TMEFF2: variants seen among roughly 807,000 people sequenced by gnomAD.
The protein encoded by TMEFF2 is tomoregulin-2.
Under a neutral mutation model 53.8 loss-of-function variants are expected in TMEFF2, and 28 were observed. That is an observed-to-expected ratio of 0.52 (90% CI 0.39 to 0.71). The LOEUF (loss-of-function observed/expected upper bound fraction) is 0.71, where lower values mean the gene tolerates loss of function less well. TMEFF2 is among the 30% of genes least tolerant of loss of function. The pLI is 0.00. For missense variants in TMEFF2, 353 were observed against 455.2 expected, an observed-to-expected ratio of 0.78 and a Z score of 2.04; for synonymous variants, 162 against 166.3, an observed-to-expected ratio of 0.97 and a Z score of 0.20.
At chr2:192,053,235 T>C (rs1264444150) in intron 5 of TMEFF2, among the ~76,000 whole-genome samples, 1 of 152,172 alleles carries the variant, frequency 6.6e-6, no homozygotes, top group Non-Finnish European at 1.5e-5. Flanking sequence ...CTCCTTCTCT[T>C]TCCCCTATTT....
rs1255621791 is a variant in TMEFF2 at position 192,075,320 on chromosome 2, T to TAAATATAA, written c.440-17546_440-17545insTTATATTT. On this transcript the variant is annotated intron_variant, in intron 4 of 9. Coordinates refer to ENST00000272771, the MANE Select transcript of TMEFF2 (RefSeq NM_016192.4). ...ATATATATATATATATATATATATA[T>TAAATATAA]ATATATATATATACATACATACTAT... is the stretch of plus-strand genomic sequence containing the variant. Among the ~76,000 whole-genome samples the TAAATATAA allele has an allele frequency of 5.1e-4, 45 of 87,882 alleles. 1 individual carries two copies. Among genetic ancestry groups the TAAATATAA allele is most frequent in the Non-Finnish European group, 5.7e-4 (22 of 38,774 alleles). The allele number at this position is 87,882 out of a possible 152,430, so 57.7% of individuals were successfully genotyped here. A position where few individuals can be genotyped will look rare whatever the true frequency, so the allele number is the denominator to read the frequency against.
At chr2:192,046,369 AAAAAAAG>A (rs962859290) in intron 5 of TMEFF2, among the ~76,000 whole-genome samples, 29 of 152,274 alleles carry the variant, frequency 1.9e-4, no homozygotes, top group East Asian at 1.4e-3. Flanking sequence ...GTCTCAAAGA[AAAAAAAG>A]AAAAAAGAAA....
chr2:192,097,780 A>G (rs1418729637), intron 4 of TMEFF2, among the ~76,000 whole-genome samples: 1 of 152,188 alleles, frequency 6.6e-6, no homozygotes, highest in Non-Finnish European at 1.5e-5. Context: ...ACTGAAGAGA[A>G]TGTGTTTGCA....
At chr2:191,965,034 A>T (rs1225690437) in intron 7 of TMEFF2, among the ~76,000 whole-genome samples, 1 of 152,108 alleles carries the variant, frequency 6.6e-6, no homozygotes, top group Non-Finnish European at 1.5e-5. Context: ...CTCTTGTTGC[A>T]GTTTAAACAT....
chr2:192,097,302 A>C (rs776355395), intron 4 of TMEFF2, among the ~76,000 whole-genome samples: 3 of 152,244 alleles, frequency 2.0e-5, no homozygotes, highest in Non-Finnish European at 4.4e-5. Flanking sequence ...ATTTGGTTGT[A>C]ATTCCAGTTG....
chr2:192,158,649 C>T (rs1235409686), intron 4 of TMEFF2, among the ~76,000 whole-genome samples: 7 of 152,050 alleles, frequency 4.6e-5, no homozygotes, highest in Non-Finnish European at 1.0e-4. Context: ...TGTTATTACT[C>T]CACACTTTAA....
chr2:191,966,075 A>G (rs2105799002), intron 7 of TMEFF2, among the ~76,000 whole-genome samples: 1 of 152,292 alleles, frequency 6.6e-6, no homozygotes, highest in East Asian at 1.9e-4. Context: ...AAAATAAAGG[A>G]ATGTTTCCCT....
chr2:191,963,139 GT>G (rs1282552338), intron 7 of TMEFF2, among the ~76,000 whole-genome samples: 1 of 152,114 alleles, frequency 6.6e-6, no homozygotes, highest in East Asian at 1.9e-4. Flanking sequence ...GGGGCAATTT[GT>G]TGCAGCTCTC....
intron 4 of TMEFF2, among the ~76,000 whole-genome samples, chr2:192,089,837 A>C (rs1049926344): frequency 2.6e-5 from 4 of 152,206 alleles, no homozygotes; most frequent in Non-Finnish European, 5.9e-5. Flanking sequence ...GAAAAGACAT[A>C]TAAATCATGT....
chr2:192,048,921 G>T (rs1381999225), intron 5 of TMEFF2, among the ~76,000 whole-genome samples: 1 of 152,104 alleles, frequency 6.6e-6, no homozygotes, highest in Non-Finnish European at 1.5e-5. Context: ...ACCATGATAA[G>T]AATAATTCAA....
chr2:191,963,971 G>C (rs1692341882), intron 7 of TMEFF2, among the ~76,000 whole-genome samples: 1 of 152,078 alleles, frequency 6.6e-6, no homozygotes, highest in African/African-American at 2.4e-5. Flanking sequence ...TGAAATTAAA[G>C]TAGGTTAAAT....
intron 4 of TMEFF2, among the ~76,000 whole-genome samples, chr2:192,075,315 A>ATG (rs1688401014): frequency 1.6e-5 from 2 of 127,808 alleles, no homozygotes; most frequent in African/African-American, 6.2e-5. Flanking sequence ...ATATATATAT[A>ATG]TATATATATA....
chr2:192,104,716 C>A (rs1191093192), intron 4 of TMEFF2, among the ~76,000 whole-genome samples: 1 of 151,742 alleles, frequency 6.6e-6, no homozygotes, highest in Non-Finnish European at 1.5e-5. Flanking sequence ...TTCCTTAGAG[C>A]CTTTCATTAC....
chr2:192,049,396 G>T (rs990090234), intron 5 of TMEFF2, among the ~76,000 whole-genome samples: 1 of 152,094 alleles, frequency 6.6e-6, no homozygotes, highest in African/African-American at 2.4e-5. Context: ...GGATTAAATG[G>T]CTCTATAAAT....
chr2:192,155,052 T>C (rs557979643), intron 4 of TMEFF2, among the ~76,000 whole-genome samples: 2 of 152,084 alleles, frequency 1.3e-5, no homozygotes, highest in East Asian at 3.9e-4. Flanking sequence ...AGGCAAAGTT[T>C]CCTCCCATTG....
At chr2:191,964,378 C>G (rs1433358960) in intron 7 of TMEFF2, among the ~76,000 whole-genome samples, 3 of 24,864 alleles carry the variant, frequency 1.2e-4, no homozygotes, top group Admixed American at 4.9e-4. Flanking sequence ...CTTTCTCTTT[C>G]TTTCTTTCTT....
chr2:192,017,769 C>T (rs1359049129), intron 5 of TMEFF2, among the ~76,000 whole-genome samples: 1 of 152,146 alleles, frequency 6.6e-6, no homozygotes, highest in African/African-American at 2.4e-5. Context: ...CATTAGAACC[C>T]AACCACTAGA....
chr2:191,956,171 C>A (rs999305071), intron 8 of TMEFF2, 84 bp downstream of exon 8: 1 of 1,424,946 alleles, frequency 7.0e-7, no homozygotes, highest in Non-Finnish European at 9.4e-7. Flanking sequence ...AGAAGAATGT[C>A]TACCAATTTT....
intron 4 of TMEFF2, among the ~76,000 whole-genome samples, chr2:192,067,110 G>C (rs752318522): frequency 3.3e-5 from 5 of 151,814 alleles, no homozygotes; most frequent in Non-Finnish European, 7.4e-5. Context: ...CTAATGAGGA[G>C]AACAGAGAAT....
Sources: allele counts gnomAD v4.1 joint callset (sites outside exome capture counted in the v4.1 genomes callset), GRCh38; gene constraint gnomAD v4.1.1; transcripts MANE v1.5; gene names NCBI Gene and HGNC (gene_info 2026-07-23, HGNC 2026-07-21).